The following NAT1 variants were observed in gnomAD, a reference collection of about 807,000 sequenced individuals.
The protein encoded by NAT1 is arylamine N-acetyltransferase 1.
For missense variants in NAT1, 400 were observed against 339.2 expected, an observed-to-expected ratio of 1.18 and a Z score of -1.41; for synonymous variants, 144 against 122.6, an observed-to-expected ratio of 1.17 and a Z score of -1.16.
chr8:18,221,997 T>C, intron 2 of NAT1, 45 bp from the exon 3 acceptor site: 1 of 1,554,252 alleles, frequency 6.4e-7, no homozygotes. Context: ...CAAATCCAAG[T>C]GTAAAAGTAA....
intron 2 of NAT1, among the ~76,000 whole-genome samples, chr8:18,193,769 G>A (rs1401072770): frequency 2.7e-5 from 4 of 149,818 alleles, no homozygotes; most frequent in Non-Finnish European, 3.0e-5. Flanking sequence ...AGTCTCCTGA[G>A]TAGCTGGGAT....
chr8:18,220,059 TTCTC>T (rs1218986165), intron 2 of NAT1, among the ~76,000 whole-genome samples: 2 of 152,226 alleles, frequency 1.3e-5, no homozygotes, highest in African/African-American at 2.4e-5. Flanking sequence ...TTAGATCGGC[TTCTC>T]TCTCTTCTTT....
At chr8:18,193,552 G>C (rs2117266404) in intron 2 of NAT1, among the ~76,000 whole-genome samples, 1 of 145,784 alleles carries the variant, frequency 6.9e-6, no homozygotes, top group Non-Finnish European at 1.5e-5. Flanking sequence ...TACAGAACCA[G>C]GTCCTTAAAG....
intron 2 of NAT1, among the ~76,000 whole-genome samples, chr8:18,195,178 C>T (rs1267925719): frequency 6.6e-6 from 1 of 152,216 alleles, no homozygotes; most frequent in Non-Finnish European, 1.5e-5. Flanking sequence ...GGCTTCAAAT[C>T]ATGCTTCGCC....
chr8:18,202,261 T>G (rs1803495310), intron 2 of NAT1, among the ~76,000 whole-genome samples: 1 of 152,206 alleles, frequency 6.6e-6, no homozygotes, highest in Admixed American at 6.5e-5. Flanking sequence ...AGATACAAAC[T>G]TTAATCTGCG....
intron 2 of NAT1, among the ~76,000 whole-genome samples, chr8:18,192,460 T>C (rs1191190216): frequency 6.6e-6 from 1 of 152,164 alleles, no homozygotes; most frequent in African/African-American, 2.4e-5. Context: ...GAACTACAAA[T>C]ACCATGTGAC....
intron 1 of NAT1, among the ~76,000 whole-genome samples, chr8:18,218,746 G>T (rs1804958827): frequency 6.6e-6 from 1 of 152,022 alleles, no homozygotes; most frequent in Non-Finnish European, 1.5e-5. Flanking sequence ...CCAAAAAGGG[G>T]GAGGCAGGTT....
At chr8:18,201,070 A>AGGAT (rs940844270) in intron 2 of NAT1, 38 of 152,344 alleles carry the variant, frequency 2.5e-4, no homozygotes, top group African/African-American at 8.9e-4. Context: ...CAAGGTTATA[A>AGGAT]GGATGCTCAT....
upstream of NAT1, among the ~76,000 whole-genome samples, chr8:18,208,555 C>T (rs1227252439): frequency 2.0e-5 from 3 of 152,156 alleles, no homozygotes; most frequent in Non-Finnish European, 4.4e-5. Flanking sequence ...GAGGGTGGAA[C>T]AAGGTGGCCA....
intron 2 of NAT1, among the ~76,000 whole-genome samples, chr8:18,183,452 T>C (rs948956497): frequency 2.0e-5 from 3 of 152,142 alleles, no homozygotes; most frequent in African/African-American, 4.8e-5. Flanking sequence ...CCCATCTAAA[T>C]GGAAGAAAAT....
chr8:18,200,213 AT>A (rs1803404078), intron 2 of NAT1, among the ~76,000 whole-genome samples: 1 of 152,236 alleles, frequency 6.6e-6, no homozygotes, highest in Admixed American at 6.5e-5. Context: ...AGGAATATAA[AT>A]TATTCTACCA....
At chr8:18,212,467 G>T (rs1804201885) in intron 1 of NAT1, 1 of 152,280 alleles carries the variant, frequency 6.6e-6, no homozygotes, top group Admixed American at 6.5e-5. Flanking sequence ...CCATGTGTGT[G>T]TGACTGAAGG....
At chr8:18,205,609 G>A (rs188250620), upstream of NAT1, among the ~76,000 whole-genome samples, 349 of 152,274 alleles carry the variant, frequency 2.3e-3, 3 homozygotes, top group Middle Eastern at 3.4e-3. Context: ...GCAGGGCACG[G>A]TGCACACATA....
At chr8:18,201,369 G>A (rs1803456995) in intron 2 of NAT1, among the ~76,000 whole-genome samples, 1 of 152,040 alleles carries the variant, frequency 6.6e-6, no homozygotes, top group Non-Finnish European at 1.5e-5. Flanking sequence ...ACTAATTTTA[G>A]GCTGTTCATT....
At chr8:18,208,806 C>T (rs528679827), upstream of NAT1, among the ~76,000 whole-genome samples, 9 of 152,322 alleles carry the variant, frequency 5.9e-5, no homozygotes, top group African/African-American at 1.4e-4. Context: ...TTTAGACCCC[C>T]GCCCCGGGTC....
At chr8:18,220,850 CATATGTTATCCA>C (rs1805205295) in intron 2 of NAT1, among the ~76,000 whole-genome samples, 1 of 152,144 alleles carries the variant, frequency 6.6e-6, no homozygotes. Context: ...CTACTTAGAT[CATATGTTATCCA>C]TGAGCCAAGC....
intron 2 of NAT1, chr8:18,200,910 T>C (rs1439574848): frequency 6.6e-6 from 1 of 152,152 alleles, no homozygotes; most frequent in African/African-American, 2.4e-5. Flanking sequence ...TCAGGGTAAA[T>C]ATAATTTTTA....
At chr8:18,218,370 A>G (rs1804914409) in intron 1 of NAT1, among the ~76,000 whole-genome samples, 1 of 152,194 alleles carries the variant, frequency 6.6e-6, no homozygotes, top group African/African-American at 2.4e-5. Context: ...AGGGCATATA[A>G]GAAACATATG....
intron 2 of NAT1, among the ~76,000 whole-genome samples, chr8:18,184,265 C>T (rs1802640992): frequency 6.6e-6 from 1 of 152,154 alleles, no homozygotes; most frequent in Non-Finnish European, 1.5e-5. Context: ...AATCTGCCTT[C>T]TGGAAGACTA....
Sources: gnomAD v4.1 joint callset for allele counts (sites outside exome capture counted in the v4.1 genomes callset) on GRCh38, gnomAD v4.1.1 for gene constraint, MANE v1.5 for transcripts, NCBI Gene and HGNC (gene_info 2026-07-23, HGNC 2026-07-21) for gene names.